Variants in EEPD1 observed in about 807,000 individuals in gnomAD.
EEPD1 encodes the protein endonuclease/exonuclease/phosphatase family domain-containing protein 1.
Under a neutral mutation model 46.3 loss-of-function variants are expected in EEPD1, and 17 were observed. That is an observed-to-expected ratio of 0.37 (90% confidence interval 0.25 to 0.55). The LOEUF (loss-of-function observed/expected upper bound fraction) is 0.55. Among genes scored for constraint, EEPD1 ranks in the 20% least tolerant of loss-of-function variants. The probability of loss-of-function intolerance (pLI) is 0.83; values close to 1 mark genes in which losing one functional copy is unlikely to be tolerated. For missense variants in EEPD1, 673 were observed against 745.6 expected (o/e 0.90, Z 1.13); for synonymous variants, 313 against 315.6 (o/e 0.99, Z 0.09).
At chr7:36,198,811 C>T (rs1785660061) in intron 2 of EEPD1, among the ~76,000 whole-genome samples, 1 of 152,112 alleles carries the variant, frequency 6.6e-6, no homozygotes, top group Admixed American at 6.5e-5. Context: ...GTGGGTGTGC[C>T]AGCCACGGTC....
intron 3 of EEPD1, among the ~76,000 whole-genome samples, chr7:36,276,391 T>G (rs1389303994): frequency 6.6e-6 from 1 of 152,168 alleles, no homozygotes; most frequent in Non-Finnish European, 1.5e-5. Flanking sequence ...AGCTCATTGG[T>G]AGCTCTTATA....
intron 2 of EEPD1, among the ~76,000 whole-genome samples, chr7:36,180,672 C>T (rs958852195): frequency 2.0e-5 from 3 of 152,100 alleles, no homozygotes; most frequent in African/African-American, 4.8e-5. Context: ...GCCTGGATAC[C>T]TCATGAATGC....
rs1478569515 is a variant in EEPD1 at position 36,154,132 on chromosome 7, G to A, written c.-192-1G>A. On this transcript the variant is annotated splice_acceptor_variant, in intron 1 of 7. Coordinates refer to ENST00000242108, the MANE Select transcript of EEPD1 (RefSeq NM_030636.3). LOFTEE classifies it low-confidence loss of function (5UTR_SPLICE). This position sits in a 1 kb window ranked among gnomAD's most constrained non-coding sequence, Gnocchi z 4.2. ...TCTATGTTTATTGATTTATTTTCTA[G>A]GCGGCCAAGTGAAAGGTAATTTTGG... The A allele has an allele frequency of 1.5e-6, 1 of 646,564 alleles. No homozygotes were observed. Among genetic ancestry groups the A allele is most frequent in the African/African-American group, 1.8e-5 (1 of 54,790 alleles). The allele number at this position is 646,564 out of a possible 1,614,324, so 40.1% of individuals were successfully genotyped here. A position where few individuals can be genotyped will look rare whatever the true frequency, so the allele number is the denominator to read the frequency against.
Position 36,155,071 on chromosome 7 carries a change from G to A in EEPD1, c.747G>A (p.Glu249=), listed in dbSNP as rs781642725. The change falls in exon 2 of 8, where the codon GAG becomes GAA. Residue 249 remains glutamate (E), a synonymous_variant. Transcript: ENST00000242108. ...TTATCTCCACTCGGCCGTCCGTGGAGGCCTTTGGAGGCACAAGGGATGGGA... is the reference window on the plus strand; with the variant it reads ...TTATCTCCACTCGGCCGTCCGTGGAAGCCTTTGGAGGCACAAGGGATGGGA... ...TQIISTRPSV[E]AFGGTRDGRP... 4 of 1,590,536 alleles carry A rather than the reference G, an allele frequency of 2.5e-6. No individual in the cohort carries two copies. The African/African-American group carries it at 4.0e-5, about 16-fold the overall frequency.
chr7:36,231,973 C>T (rs993969391), intron 2 of EEPD1, among the ~76,000 whole-genome samples: 2 of 152,146 alleles, frequency 1.3e-5, no homozygotes, highest in African/African-American at 4.8e-5. Flanking sequence ...ACAGGAAGCA[C>T]CTCAGAATAC....
intron 3 of EEPD1, among the ~76,000 whole-genome samples, chr7:36,279,557 GC>G (rs1787230693): frequency 1.3e-5 from 2 of 152,196 alleles, no homozygotes; most frequent in African/African-American, 2.4e-5. Flanking sequence ...TATGTGGGCT[GC>G]CCAGGGGGCA....
chr7:36,219,802 A>AGTGTGTGTGTGTGT (rs1404686805), intron 2 of EEPD1, among the ~76,000 whole-genome samples: 96 of 67,298 alleles, frequency 1.4e-3, no homozygotes, highest in East Asian at 1.5e-3. Flanking sequence ...AGAGAGAGAG[A>AGTGTGTGTGTGTGT]GAGAGTGTGT....
At chr7:36,161,147 G>C (rs1034133617) in intron 2 of EEPD1, among the ~76,000 whole-genome samples, 1 of 152,126 alleles carries the variant, frequency 6.6e-6, no homozygotes, top group Non-Finnish European at 1.5e-5. Flanking sequence ...GGGACTTTAG[G>C]TGACTATTTC....
intron 2 of EEPD1, among the ~76,000 whole-genome samples, chr7:36,196,044 TA>T (rs775486705): frequency 3.6e-4 from 55 of 152,332 alleles, no homozygotes; most frequent in Non-Finnish European, 5.0e-4. Context: ...CACAGCATGT[TA>T]CTGTACTGAA....
At chr7:36,213,442 G>A (rs926800310) in intron 2 of EEPD1, among the ~76,000 whole-genome samples, 1 of 152,166 alleles carries the variant, frequency 6.6e-6, no homozygotes, top group East Asian at 1.9e-4. Flanking sequence ...GTAGTTAGAG[G>A]CCCAACAGAT....
At chr7:36,298,065 C>G (rs888378002) in intron 7 of EEPD1, among the ~76,000 whole-genome samples, 10 of 152,226 alleles carry the variant, frequency 6.6e-5, no homozygotes, top group African/African-American at 2.4e-4. Flanking sequence ...TCTCCCCTCT[C>G]TCTTGGGGCA....
In EEPD1 at chr7:36,154,620, G is replaced by A. The variant is rs1238654895; in HGVS notation, c.296G>A (p.Cys99Tyr). The change falls in exon 2 of 8, where the codon TGT (cysteine) becomes TAT (tyrosine). Residue 99 changes from cysteine to tyrosine, a missense_variant. Coordinates refer to ENST00000242108, the MANE Select transcript of EEPD1 (RefSeq NM_030636.3). This position sits in a 1 kb window ranked among gnomAD's most constrained non-coding sequence, Gnocchi z 4.2. Reference sequence around the variant, plus strand: ...CTGGAGCAGGTCAAGTTTGAGATCTGTGTGAGCAGCAAGGGCAGCTCAGCG... The same window carrying A: ...CTGGAGCAGGTCAAGTTTGAGATCTATGTGAGCAGCAAGGGCAGCTCAGCG... ...TKLEQVKFEI[C>Y]VSSKGSSAQH... 5.6e-6 allele frequency: 9 copies of A among 1,614,014 alleles called. No homozygotes were observed. In the South Asian group the frequency reaches 9.9e-5, roughly 18 times the overall value.
chr7:36,242,178 G>C (rs1347988394), intron 3 of EEPD1, among the ~76,000 whole-genome samples: 1 of 152,196 alleles, frequency 6.6e-6, no homozygotes, highest in African/African-American at 2.4e-5. Context: ...TTAACTCACA[G>C]AGGTTGTAAG....
chr7:36,203,359 TCTTTC>T (rs1284050789), intron 2 of EEPD1, among the ~76,000 whole-genome samples: 1 of 152,210 alleles, frequency 6.6e-6, no homozygotes, highest in African/African-American at 2.4e-5. Context: ...GTGTTCATTT[TCTTTC>T]CTTTCCCCCT....
intron 3 of EEPD1, among the ~76,000 whole-genome samples, chr7:36,269,555 T>G (rs983699852): frequency 8.5e-5 from 13 of 152,232 alleles, no homozygotes; most frequent in African/African-American, 2.9e-4. Context: ...TGGTCATTCA[T>G]ACTCCAGGCC....
At chr7:36,190,547 C>G (rs1406289331) in intron 2 of EEPD1, among the ~76,000 whole-genome samples, 1 of 152,206 alleles carries the variant, frequency 6.6e-6, no homozygotes, top group Admixed American at 6.5e-5. Flanking sequence ...AGCTGCAAGT[C>G]CATTTTTAGA....
intron 2 of EEPD1, among the ~76,000 whole-genome samples, chr7:36,204,540 T>A (rs1481715708): frequency 6.6e-6 from 1 of 152,168 alleles, no homozygotes; most frequent in Non-Finnish European, 1.5e-5. Flanking sequence ...TCTGCCCACC[T>A]AAGTGAGACA....
At chr7:36,205,857 A>G (rs1298150314) in intron 2 of EEPD1, among the ~76,000 whole-genome samples, 1 of 152,204 alleles carries the variant, frequency 6.6e-6, no homozygotes, top group Non-Finnish European at 1.5e-5. Context: ...AGAGAGTGGC[A>G]CAGACAAAAC....
chr7:36,198,342 G>GA (rs1361024411), intron 2 of EEPD1, among the ~76,000 whole-genome samples: 790 of 33,076 alleles, frequency 0.024, 15 homozygotes, highest in Non-Finnish European at 0.032. Context: ...AAAAAGAAAA[G>GA]AAAAAAAAAA....
Sources: gnomAD v4.1 joint callset for allele counts (sites outside exome capture counted in the v4.1 genomes callset) on GRCh38, gnomAD v4.1.1 for gene constraint, Gnocchi (gnomAD v3.1) non-coding constraint, MANE v1.5 for transcripts, NCBI Gene and HGNC (gene_info 2026-07-23, HGNC 2026-07-21) for gene names.